MCC: variants seen among roughly 807,000 people sequenced by gnomAD.
MCC encodes colorectal mutant cancer protein.
MCC carries 90 observed loss-of-function variants against 116.2 expected under a neutral mutation model. The ratio of observed to expected loss-of-function variants is 0.77; its 90% CI spans 0.65 to 0.92. The LOEUF is 0.92. Ranked by LOEUF, MCC falls within the 40% of genes least tolerant of loss-of-function variation. The pLI, the probability that MCC is intolerant of heterozygous loss-of-function variation, is 0.00. For missense variants in MCC, 1,516 were observed against 1,312.2 expected, an observed-to-expected ratio of 1.16 and a Z score of -2.40; for synonymous variants, 578 against 510.5, an observed-to-expected ratio of 1.13 and a Z score of -1.78.
chr5:113,136,685 G>A lies in MCC; in HGVS notation c.884+6533C>T, dbSNP rs143392319. Among the ~76,000 whole-genome samples the A allele has an allele frequency of 7.4e-3, 1,124 of 152,202 alleles. 9 individuals carry two copies. Among genetic ancestry groups the A allele is most frequent in the Admixed American group, 0.011 (170 of 15,290 alleles). On this transcript the variant is annotated intron_variant, in intron 5 of 18. Transcript: ENST00000408903. ...ATAGAGATGCTAAAATGATTTTAACGTGTTGATTTTGTATCCTGTAACTTT... is the reference window on the plus strand; with the variant it reads ...ATAGAGATGCTAAAATGATTTTAACATGTTGATTTTGTATCCTGTAACTTT...
At chr5:113,134,635 A>C (rs1355632989) in intron 5 of MCC, among the ~76,000 whole-genome samples, 1 of 136,232 alleles carries the variant, frequency 7.3e-6, no homozygotes, top group Non-Finnish European at 1.5e-5. Context: ...GAAGCATGAC[A>C]TTGGTATTTT....
At chr5:113,410,541 G>C (rs1220472014) in intron 1 of MCC, among the ~76,000 whole-genome samples, 1 of 152,250 alleles carries the variant, frequency 6.6e-6, no homozygotes, top group East Asian at 1.9e-4. Context: ...GAAGGCTGAG[G>C]TTTAAATATC....
intron 2 of MCC, among the ~76,000 whole-genome samples, chr5:113,375,486 A>G (rs904602657): frequency 6.6e-6 from 1 of 152,220 alleles, no homozygotes; most frequent in African/African-American, 2.4e-5. Context: ...AACAGCAACA[A>G]TTTACTGTTT....
intron 3 of MCC, 29 bp from the exon 4 acceptor site, chr5:113,151,451 G>T: frequency 8.1e-7 from 1 of 1,232,142 alleles, no homozygotes; most frequent in Non-Finnish European, 1.2e-6. Context: ...GGAGATTAGA[G>T]TATTGTAGCA....
chr5:113,067,514 G>A (rs999818975), intron 13 of MCC, among the ~76,000 whole-genome samples: 3 of 152,180 alleles, frequency 2.0e-5, no homozygotes, highest in African/African-American at 4.8e-5. Context: ...GCATGTGCCT[G>A]TAATCCCAGC....
intron 3 of MCC, among the ~76,000 whole-genome samples, chr5:113,177,122 C>T (rs1761377018): frequency 1.3e-5 from 2 of 152,124 alleles, no homozygotes; most frequent in African/African-American, 4.8e-5. Context: ...TTCAGGTGGC[C>T]TCTGGAAAGA....
intron 3 of MCC, among the ~76,000 whole-genome samples, chr5:113,339,984 T>C (rs997910269): frequency 4.6e-5 from 7 of 152,208 alleles, no homozygotes; most frequent in African/African-American, 1.4e-4. Flanking sequence ...GAGAAGACAA[T>C]AGCTCTTTGC....
chr5:113,064,054 C>T lies in MCC; in HGVS notation c.2143G>A (p.Gly715Arg), dbSNP rs151039584. The change falls in exon 14 of 19, where the codon GGG (glycine) becomes AGG (arginine). Residue 715 changes from glycine (G) to arginine (R), a missense_variant. Transcript: ENST00000408903. ...ALLMKLDGSC[G>R]GAFAVAGCSV... is the part of the protein sequence containing the mutation. ...CAGCCGGCCACGGCAAAGGCTCCCC[C>T]ACAGCTGCCGTCCAGCTTCATGAGC... 43 of 1,614,102 alleles carry T rather than the reference C, an allele frequency of 2.7e-5. No individual in the cohort carries two copies. The highest frequency in any genetic ancestry group is 1.3e-4 in the African/African-American group (10 of 74,956).
chr5:113,091,883 G>GACACACACACAC (rs149076453), intron 8 of MCC, among the ~76,000 whole-genome samples: 3 of 149,796 alleles, frequency 2.0e-5, no homozygotes, highest in African/African-American at 7.4e-5. Context: ...ATGAGACTCA[G>GACACACACACAC]ACACACACAC....
intron 1 of MCC, among the ~76,000 whole-genome samples, chr5:113,475,827 A>G (rs1161450217): frequency 6.6e-6 from 1 of 152,224 alleles, no homozygotes; most frequent in Non-Finnish European, 1.5e-5. Flanking sequence ...TTTAAGGGAA[A>G]ATAAGTTTTC....
At chr5:113,247,432 G>A (rs1180678773) in intron 3 of MCC, among the ~76,000 whole-genome samples, 1 of 152,202 alleles carries the variant, frequency 6.6e-6, no homozygotes, top group Non-Finnish European at 1.5e-5. Flanking sequence ...AACAAAGCAG[G>A]AAAACTACAG....
At chr5:113,177,025 A>G (rs1434906993) in intron 3 of MCC, among the ~76,000 whole-genome samples, 1 of 152,168 alleles carries the variant, frequency 6.6e-6, no homozygotes, top group Admixed American at 6.5e-5. Context: ...AATATAAACA[A>G]TAACAACTCT....
chr5:113,072,132 G>C (rs935595922), intron 11 of MCC, among the ~76,000 whole-genome samples: 6 of 152,182 alleles, frequency 3.9e-5, no homozygotes, highest in African/African-American at 1.4e-4. Flanking sequence ...TCTATTTGTA[G>C]TACTCTGACC....
At chr5:113,307,433 A>G (rs572302039) in intron 3 of MCC, among the ~76,000 whole-genome samples, 2 of 152,126 alleles carry the variant, frequency 1.3e-5, no homozygotes, top group East Asian at 3.9e-4. Flanking sequence ...GTTTTTCTTA[A>G]TTACATTTTT....
intron 6 of MCC, among the ~76,000 whole-genome samples, chr5:113,111,567 T>C (rs1225836354): frequency 3.3e-5 from 5 of 152,230 alleles, no homozygotes; most frequent in Non-Finnish European, 4.4e-5. Context: ...AATGTACATA[T>C]AGTTCAAGTT....
intron 2 of MCC, among the ~76,000 whole-genome samples, chr5:113,381,909 C>T (rs185305913): frequency 6.6e-6 from 1 of 152,178 alleles, no homozygotes; most frequent in East Asian, 1.9e-4. Context: ...AAATGGTAAA[C>T]AGGAGAACAT....
At chr5:113,442,676 T>C (rs1580381012) in intron 1 of MCC, among the ~76,000 whole-genome samples, 1 of 152,228 alleles carries the variant, frequency 6.6e-6, no homozygotes. Context: ...AATTTTTGCA[T>C]AAGGTGTAAG....
chr5:113,087,770 C>CT (rs35866912), intron 8 of MCC, among the ~76,000 whole-genome samples: 324 of 143,258 alleles, frequency 2.3e-3, no homozygotes, highest in African/African-American at 4.6e-3. Context: ...GCCTACTCAT[C>CT]TTTTTTTTTT....
chr5:113,024,541 A>ATGGT lies in MCC; in HGVS notation c.*2757_*2760dup, dbSNP rs1750393544. ...GCCAAAGACTGAATTCTGAACAGAGATGGTTACTGACTAAAAGGGGGTAAC... is the reference window on the plus strand; with the variant it reads ...GCCAAAGACTGAATTCTGAACAGAGATGGTTGGTTACTGACTAAAAGGGGGTAAC... On this transcript the variant is annotated 3_prime_UTR_variant, in exon 19 of 19. Transcript: ENST00000408903. 8 of 152,362 alleles carry ATGGT rather than the reference A, an allele frequency of 5.3e-5. No homozygotes were observed. In the South Asian group the frequency reaches 1.7e-3, roughly 32 times the overall value. 9.4% of individuals were successfully genotyped at this position (152,362 alleles called of 1,614,324 possible).
Sources: gnomAD v4.1 joint callset for allele counts (sites outside exome capture counted in the v4.1 genomes callset) on GRCh38, gnomAD v4.1.1 for gene constraint, MANE v1.5 for transcripts, NCBI Gene and HGNC (gene_info 2026-07-23, HGNC 2026-07-21) for gene names.